The following ZNF385D variants were observed in gnomAD, a reference collection of about 807,000 sequenced individuals.
ZNF385D encodes the protein zinc finger protein 385D.
In ZNF385D, 15 loss-of-function variants were observed where a neutral mutation model predicts 35.8. The ratio of observed to expected loss-of-function variants is 0.42; its 90% CI spans 0.28 to 0.64. ZNF385D has a LOEUF of 0.64. Ranked by LOEUF, ZNF385D falls within the 30% of genes least tolerant of loss-of-function variation. The pLI is 0.23. For missense variants in ZNF385D, 474 were observed against 494.6 expected (o/e 0.96, Z 0.39); for synonymous variants, 212 against 186.8 (o/e 1.13, Z -1.10).
intron 1 of ZNF385D, among the ~76,000 whole-genome samples, chr3:21,729,709 G>T (rs762629333): frequency 6.6e-6 from 1 of 152,120 alleles, no homozygotes; most frequent in Non-Finnish European, 1.5e-5. Flanking sequence ...AGCCCAGAAA[G>T]CTAGGGCAAA....
chr3:21,672,453 A>G (rs2066604475), intron 1 of ZNF385D, among the ~76,000 whole-genome samples: 1 of 152,076 alleles, frequency 6.6e-6, no homozygotes, highest in South Asian at 2.1e-4. Context: ...CCTAATCCAC[A>G]CAGGATGGTG....
chr3:21,900,066 A>G (rs766547619), intron 3 of ZNF385D, among the ~76,000 whole-genome samples: 1 of 152,198 alleles, frequency 6.6e-6, no homozygotes, highest in Non-Finnish European at 1.5e-5. Flanking sequence ...CTAAGAGTCT[A>G]AGTAGGTTAT....
chr3:21,798,222 C>T (rs890729601), intron 3 of ZNF385D, among the ~76,000 whole-genome samples: 1 of 152,154 alleles, frequency 6.6e-6, no homozygotes, highest in Non-Finnish European at 1.5e-5. Flanking sequence ...AATAAAAATA[C>T]ACACAACTCT....
chr3:22,341,641 T>C (rs1403700365), intron 2 of ZNF385D, among the ~76,000 whole-genome samples: 1 of 152,130 alleles, frequency 6.6e-6, no homozygotes, highest in Admixed American at 6.6e-5. Context: ...CTATAAAACG[T>C]AAATGCCACA....
At chr3:22,350,900 G>A (rs1332504456) in intron 2 of ZNF385D, among the ~76,000 whole-genome samples, 3 of 151,850 alleles carry the variant, frequency 2.0e-5, no homozygotes, top group African/African-American at 7.3e-5. Context: ...CCATTCTGGG[G>A]GATATACATT....
chr3:21,714,839 T>A (rs571544454), intron 1 of ZNF385D, among the ~76,000 whole-genome samples: 13 of 152,304 alleles, frequency 8.5e-5, no homozygotes, highest in African/African-American at 3.1e-4. Flanking sequence ...TTTCATTGTG[T>A]ATGTTTATGA....
At chr3:22,109,553 G>T (rs562372090) in intron 3 of ZNF385D, among the ~76,000 whole-genome samples, 2 of 152,260 alleles carry the variant, frequency 1.3e-5, no homozygotes, top group East Asian at 3.9e-4. Flanking sequence ...GGCAAATAGG[G>T]TTTTTCTCAG....
At chr3:21,682,125 A>G (rs2066930560) in intron 1 of ZNF385D, among the ~76,000 whole-genome samples, 1 of 152,230 alleles carries the variant, frequency 6.6e-6, no homozygotes. Context: ...AAGCAAAGAT[A>G]TGGTTGGAAG....
chr3:21,669,801 A>G (rs2066507543), intron 1 of ZNF385D, among the ~76,000 whole-genome samples: 1 of 152,192 alleles, frequency 6.6e-6, no homozygotes, highest in African/African-American at 2.4e-5. Flanking sequence ...ATAATTTTAA[A>G]GCTACCTTCA....
At chr3:21,596,353 A>G (rs374082093) in intron 2 of ZNF385D, among the ~76,000 whole-genome samples, 1 of 152,184 alleles carries the variant, frequency 6.6e-6, no homozygotes. Flanking sequence ...GAAGATACTT[A>G]TAAGAGTGAG....
chr3:21,780,305 C>G (rs528156428), intron 3 of ZNF385D, among the ~76,000 whole-genome samples: 1 of 151,962 alleles, frequency 6.6e-6, no homozygotes, highest in East Asian at 1.9e-4. Context: ...TGCTCATGGC[C>G]AAAGTGAATA....
intron 3 of ZNF385D, among the ~76,000 whole-genome samples, chr3:22,025,591 A>C (rs1697488646): frequency 6.6e-6 from 1 of 152,156 alleles, no homozygotes; most frequent in Non-Finnish European, 1.5e-5. Context: ...GTTGCAGCTC[A>C]GGGAGTTTAA....
At chr3:21,885,777 T>C (rs184176781) in intron 3 of ZNF385D, among the ~76,000 whole-genome samples, 1 of 145,600 alleles carries the variant, frequency 6.9e-6, no homozygotes, top group Non-Finnish European at 1.5e-5. Flanking sequence ...TGTGTGTGTG[T>C]AGAAAGAAAG....
intron 3 of ZNF385D, among the ~76,000 whole-genome samples, chr3:21,784,253 A>T (rs181817066): frequency 1.6e-3 from 242 of 152,314 alleles, no homozygotes; most frequent in African/African-American, 5.5e-3. Context: ...CATTGGGTAG[A>T]TATTCTTAAA....
At chr3:22,367,382 T>C (rs1391756101) in intron 2 of ZNF385D, among the ~76,000 whole-genome samples, 1 of 152,202 alleles carries the variant, frequency 6.6e-6, no homozygotes, top group Non-Finnish European at 1.5e-5. Context: ...CTATGCTAAA[T>C]AACTGTTTTT....
intron 1 of ZNF385D, among the ~76,000 whole-genome samples, chr3:21,668,023 T>C (rs1244982169): frequency 1.3e-5 from 2 of 152,200 alleles, no homozygotes; most frequent in African/African-American, 4.8e-5. Flanking sequence ...ATGTATAAGA[T>C]TGTAGGAAAG....
At chr3:21,863,827 G>A (rs973130359) in intron 3 of ZNF385D, among the ~76,000 whole-genome samples, 2 of 152,154 alleles carry the variant, frequency 1.3e-5, no homozygotes, top group Non-Finnish European at 2.9e-5. Context: ...TGTGCATGCA[G>A]AGGGAAGTGG....
At chr3:21,925,318 A>G (rs767201902) in intron 3 of ZNF385D, among the ~76,000 whole-genome samples, 5 of 152,156 alleles carry the variant, frequency 3.3e-5, no homozygotes, top group Non-Finnish European at 5.9e-5. Flanking sequence ...AATGAAGCTG[A>G]ATCCACAGAC....
At chr3:21,743,326 T>A (rs2069610474) in intron 1 of ZNF385D, among the ~76,000 whole-genome samples, 1 of 152,154 alleles carries the variant, frequency 6.6e-6, no homozygotes, top group African/African-American at 2.4e-5. Flanking sequence ...AGTATACAAT[T>A]AATATAAGCT....
Sources: gnomAD v4.1 joint callset for allele counts (sites outside exome capture counted in the v4.1 genomes callset) on GRCh38, gnomAD v4.1.1 for gene constraint, MANE v1.5 for transcripts, NCBI Gene and HGNC (gene_info 2026-07-23, HGNC 2026-07-21) for gene names.